Variants in BMP5 observed in about 807,000 individuals in gnomAD.
BMP5 encodes bone morphogenetic protein 5.
BMP5 carries 23 observed loss-of-function variants against 46.6 expected under a neutral mutation model. The ratio of observed to expected loss-of-function variants is 0.49; its 90% CI spans 0.35 to 0.70. The LOEUF (loss-of-function observed/expected upper bound fraction) is 0.70. Among genes scored for constraint, BMP5 ranks in the 30% least tolerant of loss-of-function variants. BMP5 has a pLI of 0.00. For missense variants in BMP5, 545 were observed against 565.6 expected (o/e 0.96, Z 0.37); for synonymous variants, 204 against 191.9 (o/e 1.06, Z -0.52).
chr6:55,779,064 A>G (rs1171202880), intron 3 of BMP5, among the ~76,000 whole-genome samples: 1 of 152,092 alleles, frequency 6.6e-6, no homozygotes, highest in Non-Finnish European at 1.5e-5. Context: ...CAAAATGTTT[A>G]TTTCTTTCAA....
chr6:55,787,455 G>A (rs1582064630), intron 3 of BMP5, among the ~76,000 whole-genome samples: 1 of 151,608 alleles, frequency 6.6e-6, no homozygotes, highest in Non-Finnish European at 1.5e-5. Context: ...GGAATATACT[G>A]CAATTCAAAA....
intron 1 of BMP5, among the ~76,000 whole-genome samples, chr6:55,835,304 A>C (rs1776765424): frequency 6.6e-6 from 1 of 152,150 alleles, no homozygotes; most frequent in African/African-American, 2.4e-5. Flanking sequence ...TCAAGATTGG[A>C]TCAAAAGCAT....
chr6:55,870,235 A>ATTATAAC (rs1777750634), intron 1 of BMP5, among the ~76,000 whole-genome samples: 1 of 151,932 alleles, frequency 6.6e-6, no homozygotes, highest in East Asian at 1.9e-4. Context: ...TTAAACTATG[A>ATTATAAC]TTATAACTAT....
chr6:55,870,006 A>G (rs1415632665), intron 1 of BMP5, among the ~76,000 whole-genome samples: 1 of 152,080 alleles, frequency 6.6e-6, no homozygotes, highest in Non-Finnish European at 1.5e-5. Context: ...GGCTACAGAG[A>G]CCAAGAACAA....
At chr6:55,856,529 C>T (rs371929532) in intron 1 of BMP5, among the ~76,000 whole-genome samples, 3 of 152,226 alleles carry the variant, frequency 2.0e-5, no homozygotes, top group Non-Finnish European at 2.9e-5. Flanking sequence ...GCATCATTGA[C>T]GCACTTGGTT....
chr6:55,843,668 A>C (rs530460374), intron 1 of BMP5, among the ~76,000 whole-genome samples: 1 of 152,072 alleles, frequency 6.6e-6, no homozygotes, highest in African/African-American at 2.4e-5. Context: ...AAGGGAAAAA[A>C]TAATCTGAAA....
chr6:55,863,169 T>C (rs1486064751), intron 1 of BMP5, among the ~76,000 whole-genome samples: 1 of 152,200 alleles, frequency 6.6e-6, no homozygotes, highest in Admixed American at 6.5e-5. Flanking sequence ...TTTCCATAGA[T>C]GTGTGTTGTG....
intron 1 of BMP5, among the ~76,000 whole-genome samples, chr6:55,854,373 T>A (rs2127551196): frequency 6.6e-6 from 1 of 152,200 alleles, no homozygotes; most frequent in Admixed American, 6.5e-5. Context: ...ATGTTGATAT[T>A]GATCAATATT....
At chr6:55,860,640 C>A (rs1439832001) in intron 1 of BMP5, among the ~76,000 whole-genome samples, 5 of 152,156 alleles carry the variant, frequency 3.3e-5, no homozygotes, top group Non-Finnish European at 5.9e-5. Context: ...CAGGTGATGT[C>A]TTAAATGCTC....
intron 1 of BMP5, among the ~76,000 whole-genome samples, chr6:55,853,370 C>G (rs933837946): frequency 6.8e-6 from 1 of 146,536 alleles, no homozygotes. Flanking sequence ...CTCTGACTCT[C>G]TTTCCTTAAT....
intron 1 of BMP5, among the ~76,000 whole-genome samples, chr6:55,823,990 T>G (rs1776469008): frequency 6.6e-6 from 1 of 151,984 alleles, no homozygotes; most frequent in African/African-American, 2.4e-5. Context: ...TAATTATAGC[T>G]TTTAATTTTG....
At position 55,838,788 on chromosome 6, in the gene BMP5, G is replaced by A. The variant is rs9475423; in HGVS notation, c.491-18941C>T. 3.6e-3 allele frequency among the ~76,000 whole-genome samples: 547 copies of A among 152,242 alleles called. 5 individuals are homozygous for A. Among genetic ancestry groups the A allele is most frequent in the African/African-American group, 0.012 (517 of 41,550 alleles). ...CATCTATAGAATCATTTATTTTCAT[G>A]ATGCTTTTGCTGCCATGCTTATCTA... On this transcript the variant is annotated intron_variant, in intron 1 of 6. Transcript: ENST00000370830.
intron 1 of BMP5, among the ~76,000 whole-genome samples, chr6:55,868,721 T>C (rs1171002977): frequency 6.6e-6 from 1 of 152,208 alleles, no homozygotes; most frequent in African/African-American, 2.4e-5. Flanking sequence ...TTTAAACATC[T>C]CTGAAAAAGT....
chr6:55,847,027 A>T (rs763672199), intron 1 of BMP5, among the ~76,000 whole-genome samples: 1 of 151,874 alleles, frequency 6.6e-6, no homozygotes, highest in Non-Finnish European at 1.5e-5. Context: ...AAGGGTAACC[A>T]GCAAGGGGCC....
chr6:55,869,306 T>A (rs1332222014), intron 1 of BMP5, among the ~76,000 whole-genome samples: 1 of 152,154 alleles, frequency 6.6e-6, no homozygotes, highest in Admixed American at 6.6e-5. Context: ...TTTCCCAGCA[T>A]CTCCTCCACC....
intron 4 of BMP5, among the ~76,000 whole-genome samples, chr6:55,766,537 C>G (rs1017183835): frequency 6.6e-6 from 1 of 152,118 alleles, no homozygotes; most frequent in Non-Finnish European, 1.5e-5. Context: ...TCTCTCCAAT[C>G]TATGATCTTC....
intron 2 of BMP5, among the ~76,000 whole-genome samples, chr6:55,810,182 C>T (rs956355804): frequency 3.3e-5 from 5 of 152,016 alleles, no homozygotes; most frequent in Admixed American, 6.6e-5. Flanking sequence ...AATGGTAAAT[C>T]GCTTTTTTTC....
chr6:55,853,645 C>T (rs547059909), intron 1 of BMP5, among the ~76,000 whole-genome samples: 5 of 152,250 alleles, frequency 3.3e-5, no homozygotes, highest in African/African-American at 9.6e-5. Flanking sequence ...TTAAAAATTG[C>T]TGTTGCAACT....
intron 3 of BMP5, among the ~76,000 whole-genome samples, chr6:55,782,213 C>T (rs1054304057): frequency 6.6e-6 from 1 of 152,076 alleles, no homozygotes; most frequent in Non-Finnish European, 1.5e-5. Flanking sequence ...ACTTTGTACA[C>T]ATGCATTGAA....
Sources: allele counts gnomAD v4.1 joint callset (sites outside exome capture counted in the v4.1 genomes callset), GRCh38; gene constraint gnomAD v4.1.1; transcripts MANE v1.5; gene names NCBI Gene and HGNC (gene_info 2026-07-23, HGNC 2026-07-21).